BEND4: variants seen among roughly 807,000 people sequenced by gnomAD.
BEND4 encodes the protein BEN domain containing 4.
BEND4 carries 27 observed loss-of-function variants against 54.7 expected under a neutral mutation model. The observed-to-expected ratio is 0.49, with a 90% CI of 0.36 to 0.68. The LOEUF is 0.68. Ranked by LOEUF, BEND4 falls within the 30% of genes least tolerant of loss-of-function variation. BEND4 has a pLI of 0.00. For missense variants in BEND4, 702 were observed against 697.2 expected (o/e 1.01, Z -0.08); for synonymous variants, 327 against 299.5 (o/e 1.09, Z -0.95).
At chr4:42,131,355 C>A (rs982188993) in intron 3 of BEND4, among the ~76,000 whole-genome samples, 1 of 151,988 alleles carries the variant, frequency 6.6e-6, no homozygotes, top group Non-Finnish European at 1.5e-5. Context: ...AGAATATAAG[C>A]CAAAGTGTTA....
In BEND4 at chr4:42,111,714, C is replaced by A. The variant is rs1330783979; in HGVS notation, c.*5804G>T. ...TCCAAACCAATCAGACTCATCAGCT[C>A]TAAAGCTACAAAGACACAAACGTGA... is the stretch of plus-strand genomic sequence containing the variant. On this transcript the variant is annotated 3_prime_UTR_variant, in exon 6 of 6. Coordinates refer to ENST00000502486, the MANE Select transcript of BEND4 (RefSeq NM_207406.4). 1 of 152,192 alleles carries A rather than the reference C, an allele frequency of 6.6e-6. No individual in the cohort carries two copies. The highest frequency in any genetic ancestry group is 2.4e-5 in the African/African-American group (1 of 41,446). 9.4% of individuals were successfully genotyped at this position (152,192 alleles called of 1,614,324 possible). A position where few individuals can be genotyped will look rare whatever the true frequency, so the allele number is the denominator to read the frequency against.
Position 42,117,419 on chromosome 4 carries a change from G to T in BEND4, c.*99C>A. 1 of 827,450 alleles carries T rather than the reference G, an allele frequency of 1.2e-6. No homozygotes were observed. Among genetic ancestry groups the T allele is most frequent in the Non-Finnish European group, 1.9e-6 (1 of 521,062 alleles). The allele number at this position is 827,450 out of a possible 1,614,324, so 51.3% of individuals were successfully genotyped here. On this transcript the variant is annotated 3_prime_UTR_variant, in exon 6 of 6. Coordinates refer to ENST00000502486, the MANE Select transcript of BEND4 (RefSeq NM_207406.4). ...GGCAGCTGAGAATGTGTAGACTATG[G>T]CAGAATGACAGGCTTTGGACTCTCA... is the stretch of plus-strand genomic sequence containing the variant.
chr4:42,114,306 C>T lies in BEND4; in HGVS notation c.*3212G>A, dbSNP rs1719708532. The T allele has an allele frequency of 6.6e-6, 1 of 152,210 alleles. No individual in the cohort carries two copies. The highest frequency in any genetic ancestry group is 6.5e-5 in the Admixed American group (1 of 15,280). The allele number at this position is 152,210 out of a possible 1,614,324, so 9.4% of individuals were successfully genotyped here. On this transcript the variant is annotated 3_prime_UTR_variant, in exon 6 of 6. Coordinates refer to ENST00000502486, the MANE Select transcript of BEND4 (RefSeq NM_207406.4). ...CGAAAAGCCGGCATGATCTTTGTAA[C>T]AAGATTTTAATTTGGAAAACACAGG... is the stretch of plus-strand genomic sequence containing the variant.
chr4:42,147,769 C>T (rs975782990), intron 2 of BEND4, among the ~76,000 whole-genome samples: 2 of 151,958 alleles, frequency 1.3e-5, no homozygotes. Flanking sequence ...TTAAAAAATT[C>T]ATTTTGGGAA....
At position 42,152,124 on chromosome 4, in the gene BEND4, G is replaced by C; in HGVS notation, c.20C>G (p.Pro7Arg). 5 of 1,246,326 alleles carry C rather than the reference G, an allele frequency of 4.0e-6. No individual in the cohort carries two copies. The highest frequency in any genetic ancestry group is 5.1e-6 in the Non-Finnish European group (5 of 986,620). The allele number at this position is 1,246,326 out of a possible 1,614,324, so 77.2% of individuals were successfully genotyped here. A position where few individuals can be genotyped will look rare whatever the true frequency, so the allele number is the denominator to read the frequency against. The stretch of plus-strand genomic sequence containing the variant: ...GGGGACGCTGGGCCCCTCCTCTGCC[G>C]GCTGCATCTCTTCCTCCATCCGGCG... MEEEMQ[P>R]AEEGPSVPKI... The change falls in exon 2 of 6, where the codon CCG becomes CGG. Residue 7 changes from proline to arginine, a missense_variant. By Grantham distance (103) the Pro-to-Arg change is moderately radical. Coordinates refer to ENST00000502486, the MANE Select transcript of BEND4 (RefSeq NM_207406.4).
At chr4:42,144,717 T>C (rs1463910764) in intron 2 of BEND4, among the ~76,000 whole-genome samples, 2 of 152,232 alleles carry the variant, frequency 1.3e-5, no homozygotes, top group African/African-American at 4.8e-5. Flanking sequence ...TTCCAGTAGA[T>C]TGCCAAATAT....
chr4:42,145,101 T>C (rs1721029888), intron 2 of BEND4, among the ~76,000 whole-genome samples: 1 of 152,222 alleles, frequency 6.6e-6, no homozygotes, highest in South Asian at 2.1e-4. Flanking sequence ...CAACTAGCAC[T>C]AGCTCTCTCT....
intron 5 of BEND4, among the ~76,000 whole-genome samples, chr4:42,119,033 C>T (rs1719958469): frequency 6.6e-6 from 1 of 152,114 alleles, no homozygotes; most frequent in Admixed American, 6.5e-5. Context: ...GCATGCCTGC[C>T]CCATCCCTTC....
chr4:42,117,659 G>A lies in BEND4; in HGVS notation c.1464C>T (p.Ser488=), dbSNP rs535678344. ...PSEEQINKVF[S]DAVGHARQGR... ...CCTGTCGGGCGTGACCGACAGCGTCGCTGAACACTTTGTTTATCTGCTCTT... is the reference window on the plus strand; with the variant it reads ...CCTGTCGGGCGTGACCGACAGCGTCACTGAACACTTTGTTTATCTGCTCTT... Residue 488 remains serine (S), a synonymous_variant, in exon 6 of 6, where the codon AGC becomes AGT. Transcript: ENST00000502486. The A allele has an allele frequency of 6.2e-6, 10 of 1,610,852 alleles. No individual in the cohort carries two copies. Among genetic ancestry groups the A allele is most frequent in the South Asian group, 2.2e-5 (2 of 90,266 alleles).
At chr4:42,138,620 A>C (rs1380559584) in intron 3 of BEND4, among the ~76,000 whole-genome samples, 1 of 152,220 alleles carries the variant, frequency 6.6e-6, no homozygotes, top group Non-Finnish European at 1.5e-5. Context: ...TAACTATGTG[A>C]GATGATAGAT....
chr4:42,134,661 G>A (rs541143171), intron 3 of BEND4, among the ~76,000 whole-genome samples: 127 of 152,272 alleles, frequency 8.3e-4, no homozygotes, highest in African/African-American at 2.9e-3. Flanking sequence ...AATTTCCCAC[G>A]GTAACGATAA....
At chr4:42,133,973 TACTGTCATTTTA>T (rs1560579870) in intron 3 of BEND4, among the ~76,000 whole-genome samples, 2 of 152,272 alleles carry the variant, frequency 1.3e-5, no homozygotes, top group Non-Finnish European at 2.9e-5. Context: ...TATTGTAAGC[TACTGTCATTTTA>T]AGATTGGGAG....
chr4:42,152,401 G>GC (rs2153148610), intron 1 of BEND4, 25 bp from the exon 2 acceptor site: 1 of 255,700 alleles, frequency 3.9e-6, no homozygotes, highest in Admixed American at 5.5e-5. Context: ...GAGGTAAAGA[G>GC]CAAGTGTTTA....
At chr4:42,138,498 G>GATTC (rs1202814980) in intron 3 of BEND4, among the ~76,000 whole-genome samples, 1 of 152,118 alleles carries the variant, frequency 6.6e-6, no homozygotes, top group African/African-American at 2.4e-5. Context: ...TAGGTCTAGA[G>GATTC]ATTCAACACA....
rs923750790 is a variant in BEND4, at chr4:42,152,328, C to CG, written c.-186dup. 7.4e-5 allele frequency: 30 copies of CG among 406,882 alleles called. No homozygotes were observed. The highest frequency in any genetic ancestry group is 1.1e-4 in the South Asian group (1 of 8,774). The allele number at this position is 406,882 out of a possible 1,614,324, so 25.2% of individuals were successfully genotyped here. A position where few individuals can be genotyped will look rare whatever the true frequency, so the allele number is the denominator to read the frequency against. On this transcript the variant is annotated 5_prime_UTR_variant, in exon 2 of 6. Transcript: ENST00000502486. ...AGGCTGGCATCGCCGAGCCCCCGCG[C>CG]GGGGGGCTGCCGCCCGAGCTCCTGA... is the stretch of plus-strand genomic sequence containing the variant.
At position 42,116,405 on chromosome 4, in the gene BEND4, T is replaced by C. The variant is rs1719834600; in HGVS notation, c.*1113A>G. ...GGAACTCAACAAATTAACCAGGGGA[T>C]AGCGGCACAGTGCTGACTTAGCCAT... On this transcript the variant is annotated 3_prime_UTR_variant, in exon 6 of 6. Coordinates refer to ENST00000502486, the MANE Select transcript of BEND4 (RefSeq NM_207406.4). 6.6e-6 allele frequency: 1 copy of C among 152,198 alleles called. No individual in the cohort carries two copies. Among genetic ancestry groups the C allele is most frequent in the Non-Finnish European group, 1.5e-5 (1 of 68,036 alleles). The allele number at this position is 152,198 out of a possible 1,614,324, so 9.4% of individuals were successfully genotyped here.
intron 3 of BEND4, among the ~76,000 whole-genome samples, chr4:42,132,510 C>T (rs1720544257): frequency 6.6e-6 from 1 of 151,978 alleles, no homozygotes; most frequent in African/African-American, 2.4e-5. Flanking sequence ...AATGGTGTGA[C>T]CTCGGCTCAC....
chr4:42,133,439 T>G (rs1306521236), intron 3 of BEND4, among the ~76,000 whole-genome samples: 2 of 152,230 alleles, frequency 1.3e-5, no homozygotes, highest in African/African-American at 4.8e-5. Context: ...GCCTTGGATA[T>G]TAGTCCTAAA....
At chr4:42,139,054 C>G (rs1175899862) in intron 3 of BEND4, among the ~76,000 whole-genome samples, 1 of 152,148 alleles carries the variant, frequency 6.6e-6, no homozygotes, top group Non-Finnish European at 1.5e-5. Flanking sequence ...TGTGACTACT[C>G]TAAGCTGACA....
Sources: allele counts gnomAD v4.1 joint callset (sites outside exome capture counted in the v4.1 genomes callset), GRCh38; gene constraint gnomAD v4.1.1; transcripts MANE v1.5; gene names NCBI Gene and HGNC (gene_info 2026-07-23, HGNC 2026-07-21).